The following RP1 variants were observed in gnomAD, a reference collection of about 807,000 sequenced individuals.
RP1 encodes the protein oxygen-regulated protein 1.
RP1 carries 16 observed loss-of-function variants against 14.8 expected under a neutral mutation model. The observed-to-expected ratio is 1.08, with a 90% CI of 0.73 to 1.65. RP1 has a LOEUF of 1.65. Among genes scored for constraint, RP1 ranks in the 40% most tolerant of loss-of-function variants. The pLI is 0.00. For synonymous variants in RP1, 876 were observed against 883.6 expected, an observed-to-expected ratio of 0.99 and a Z score of 0.15; for missense variants, 2,631 against 2,535.0, an observed-to-expected ratio of 1.04 and a Z score of -0.81.
At chr8:54,796,103 C>A (rs767171900) in intron 24 of RP1, among the ~76,000 whole-genome samples, 3 of 152,122 alleles carry the variant, frequency 2.0e-5, no homozygotes, top group Non-Finnish European at 4.4e-5. Flanking sequence ...ACAGATAGTG[C>A]AGTGATAGGT....
At chr8:54,803,654 G>A (rs1450381944) in intron 24 of RP1, among the ~76,000 whole-genome samples, 1 of 152,062 alleles carries the variant, frequency 6.6e-6, no homozygotes, top group African/African-American at 2.4e-5. Context: ...ATATTATGTA[G>A]TGAAAAAAGG....
At chr8:54,868,402 G>A (rs1285361793) in intron 28 of RP1, among the ~76,000 whole-genome samples, 1 of 152,104 alleles carries the variant, frequency 6.6e-6, no homozygotes, top group African/African-American at 2.4e-5. Flanking sequence ...TTTTCTCTCT[G>A]AGGACCCAGG....
chr8:54,810,003 G>A (rs1423927513), intron 24 of RP1, among the ~76,000 whole-genome samples: 4 of 152,114 alleles, frequency 2.6e-5, no homozygotes, highest in East Asian at 1.9e-4. Context: ...GCCAATGAAC[G>A]CTTTCACCAC....
downstream of RP1, among the ~76,000 whole-genome samples, chr8:54,633,737 C>CTCTCTCTCTATATATATATA (rs1236298691): frequency 8.4e-6 from 1 of 118,806 alleles, no homozygotes; most frequent in African/African-American, 3.3e-5. Context: ...CTCTCTCTCT[C>CTCTCTCTCTATATATATATA]TATATATATA....
downstream of RP1, among the ~76,000 whole-genome samples, chr8:54,631,423 A>C (rs1349910780): frequency 6.6e-6 from 1 of 152,154 alleles, no homozygotes; most frequent in Non-Finnish European, 1.5e-5. Context: ...AGGAGAAAAT[A>C]ATTTACATTA....
rs1172851899 is a variant in RP1, at chr8:54,628,976, G to A, written c.5094G>A (p.Glu1698=). ...CATCTATGTTGCAGGAATTCCAGGA[G>A]GAAAGACAAGATAAGTGTGATGTTA... The part of the protein sequence containing the change: ...SSSSMLQEFQ[E]ERQDKCDVSA... The change falls in exon 4 of 4, where the codon GAG becomes GAA. Residue 1698 remains glutamate (E), a synonymous_variant. Coordinates refer to ENST00000220676, the MANE Select transcript of RP1 (RefSeq NM_006269.2). 2 of 1,614,006 alleles carry A rather than the reference G, an allele frequency of 1.2e-6. No individual in the cohort carries two copies. Among genetic ancestry groups the A allele is most frequent in the East Asian group, 2.2e-5 (1 of 44,872 alleles).
chr8:54,569,726 G>A (rs1027098268), intron 1 of RP1, among the ~76,000 whole-genome samples: 2 of 152,204 alleles, frequency 1.3e-5, no homozygotes, highest in South Asian at 2.1e-4. Context: ...TAAGGACTGG[G>A]GAATATGGCA....
rs192887479 is a variant in RP1 at position 54,581,128 on chromosome 8, T to A, written c.-13+21808T>A. 1.0e-3 allele frequency among the ~76,000 whole-genome samples: 154 copies of A among 152,218 alleles called. 2 individuals are homozygous for A. The East Asian group carries it at 0.028, about 27-fold the overall frequency. Reference sequence around the variant, plus strand: ...CATTAACTCTTCATTTAGCATTAGGTATATCTCCTAATGCTATCCCTCCCC... The same window carrying A: ...CATTAACTCTTCATTTAGCATTAGGAATATCTCCTAATGCTATCCCTCCCC... On this transcript the variant is annotated intron_variant, in intron 1 of 22. Transcript: ENST00000636932.
intron 1 of RP1, among the ~76,000 whole-genome samples, chr8:54,591,875 G>T (rs1161787945): frequency 6.6e-6 from 1 of 152,172 alleles, no homozygotes; most frequent in African/African-American, 2.4e-5. Context: ...CTTACTCACA[G>T]GGTGGATAAC....
intron 22 of RP1, among the ~76,000 whole-genome samples, chr8:54,768,881 A>G (rs1809831217): frequency 6.7e-6 from 1 of 150,220 alleles, no homozygotes; most frequent in African/African-American, 2.5e-5. Flanking sequence ...ATTTTCACCA[A>G]CTTTATGGTT....
At chr8:54,849,000 C>T (rs1476334967) in intron 25 of RP1, among the ~76,000 whole-genome samples, 8 of 152,160 alleles carry the variant, frequency 5.3e-5, no homozygotes, top group Admixed American at 6.5e-5. Context: ...CCATCCACCT[C>T]GGCCTCCCAA....
chr8:54,837,691 G>A, intron 25 of RP1: 2 of 1,176,892 alleles, frequency 1.7e-6, no homozygotes, highest in Non-Finnish European at 2.1e-6. Context: ...CATTTCCTTT[G>A]TGATGTGTAT....
intron 1 of RP1, among the ~76,000 whole-genome samples, chr8:54,585,132 T>C (rs10755975): frequency 0.96 from 146,859 of 152,264 alleles, 70,914 homozygotes; most frequent in South Asian, 0.99. Context: ...TTTGCAGTGG[T>C]TGGTACCGGT....
At chr8:54,750,294 C>T (rs1809325276) in intron 19 of RP1, among the ~76,000 whole-genome samples, 1 of 152,162 alleles carries the variant, frequency 6.6e-6, no homozygotes, top group Non-Finnish European at 1.5e-5. Context: ...AATGTTTATA[C>T]CACAGAAAGG....
intron 1 of RP1, among the ~76,000 whole-genome samples, chr8:54,564,901 G>A (rs1026450461): frequency 9.2e-5 from 14 of 152,202 alleles, no homozygotes; most frequent in African/African-American, 2.9e-4. Context: ...GCACCCCACT[G>A]TGCCCAACTA....
chr8:54,831,872 TG>T (rs1181487304), intron 24 of RP1, among the ~76,000 whole-genome samples: 18 of 151,758 alleles, frequency 1.2e-4, no homozygotes, highest in Non-Finnish European at 2.5e-4. Context: ...CTTTTTTTAA[TG>T]AAAAGATGTT....
rs1563333994 is a variant in RP1 at position 54,630,345 on chromosome 8, G to T, written c.6463G>T (p.Asp2155Tyr). The T allele has an allele frequency of 1.9e-6, 3 of 1,613,462 alleles. No homozygotes were observed. The highest frequency in any genetic ancestry group is 2.5e-6 in the Non-Finnish European group (3 of 1,179,750). The change falls in exon 4 of 4, where the codon GAT (aspartate) becomes TAT (tyrosine). Residue 2155 changes from aspartate to tyrosine, a missense_variant. Coordinates refer to ENST00000220676, the MANE Select transcript of RP1 (RefSeq NM_006269.2). Reference protein sequence around the residue: ...TDLESSREQEDL With the variant: ...TDLESSREQEYL ...TCTTGAAAGCAGTAGAGAACAAGAA[G>T]ATTTATAATTTCAATATCAGCACAC...
intron 8 of RP1, among the ~76,000 whole-genome samples, chr8:54,675,394 G>T (rs775359094): frequency 2.6e-5 from 4 of 152,070 alleles, no homozygotes; most frequent in Non-Finnish European, 5.9e-5. Flanking sequence ...AGATAGTCAG[G>T]AAGAAATGAA....
At chr8:54,587,891 G>T (rs55674038) in intron 1 of RP1, among the ~76,000 whole-genome samples, 1 of 152,024 alleles carries the variant, frequency 6.6e-6, no homozygotes, top group African/African-American at 2.4e-5. Flanking sequence ...TATTTTTATA[G>T]ATTCTACTTA....
Sources: allele counts gnomAD v4.1 joint callset (sites outside exome capture counted in the v4.1 genomes callset), GRCh38; gene constraint gnomAD v4.1.1; transcripts MANE v1.5; gene names NCBI Gene and HGNC (gene_info 2026-07-23, HGNC 2026-07-21).